The following LRRTM4 variants were observed in gnomAD, a reference collection of about 807,000 sequenced individuals.
LRRTM4 encodes leucine-rich repeat transmembrane neuronal protein 4.
Under a neutral mutation model 47.6 loss-of-function variants are expected in LRRTM4, and 25 were observed. The ratio of observed to expected loss-of-function variants is 0.53; its 90% CI spans 0.38 to 0.73. The LOEUF is 0.73. Ranked by LOEUF, LRRTM4 falls within the 30% of genes least tolerant of loss-of-function variation. The pLI, the probability that LRRTM4 is intolerant of heterozygous loss-of-function variation, is 0.00. For missense variants in LRRTM4, 638 were observed against 713.4 expected (o/e 0.89, Z 1.20); for synonymous variants, 311 against 269.5 (o/e 1.15, Z -1.51).
intron 3 of LRRTM4, among the ~76,000 whole-genome samples, chr2:76,762,235 A>C (rs766428195): frequency 1.3e-5 from 2 of 152,188 alleles, no homozygotes; most frequent in Non-Finnish European, 2.9e-5. Context: ...ATGAAGCTAA[A>C]TTGAATATCC....
intron 3 of LRRTM4, among the ~76,000 whole-genome samples, chr2:77,304,434 T>C (rs1464759757): frequency 6.6e-6 from 1 of 152,096 alleles, no homozygotes; most frequent in Non-Finnish European, 1.5e-5. Context: ...AGAAGAGGTA[T>C]TGGGTTTAGT....
chr2:77,427,171 G>T (rs1675156289), intron 3 of LRRTM4, among the ~76,000 whole-genome samples: 1 of 152,040 alleles, frequency 6.6e-6, no homozygotes, highest in African/African-American at 2.4e-5. Flanking sequence ...TGGAGATGAG[G>T]TTTCATCATG....
rs58615415 is a variant in LRRTM4 at position 76,913,543 on chromosome 2, A to ATTTTTTTTTTTTTTTTTTTTTTTTT, written c.1552-164628_1552-164627insAAAAAAAAAAAAAAAAAAAAAAAAA. On this transcript the variant is annotated intron_variant, in intron 3 of 3. Coordinates refer to ENST00000409884, the MANE Select transcript of LRRTM4 (RefSeq NM_001134745.3). Reference sequence around the variant, plus strand: ...CCAAATATTTAGAGATCCTATTTCAATTTTTTTTTTTTTTGAGACAGAGTC... The same window carrying ATTTTTTTTTTTTTTTTTTTTTTTTT: ...CCAAATATTTAGAGATCCTATTTCAATTTTTTTTTTTTTTTTTTTTTTTTTTTTTTTTTTTTTTTGAGACAGAGTC... Among the ~76,000 whole-genome samples the ATTTTTTTTTTTTTTTTTTTTTTTTT allele has an allele frequency of 4.1e-5, 5 of 121,486 alleles. 1 individual carries two copies. The highest frequency in any genetic ancestry group is 1.6e-4 in the African/African-American group (5 of 30,600). 79.7% of individuals were successfully genotyped at this position (121,486 alleles called of 152,430 possible).
chr2:77,328,431 T>G (rs551054868), intron 3 of LRRTM4, among the ~76,000 whole-genome samples: 12 of 152,308 alleles, frequency 7.9e-5, no homozygotes, highest in African/African-American at 2.6e-4. Context: ...AACTGTGTAG[T>G]TGAAAAGGGA....
rs188158364 is a variant in LRRTM4 at position 76,804,768 on chromosome 2, A to G, written c.1552-55852T>C. Reference sequence around the variant, plus strand: ...ATATATCATTGTTTTATAACAATATATATATCATGTTTTATATATATATCA... The same window carrying G: ...ATATATCATTGTTTTATAACAATATGTATATCATGTTTTATATATATATCA... On this transcript the variant is annotated intron_variant, in intron 3 of 3. Coordinates refer to ENST00000409884, the MANE Select transcript of LRRTM4 (RefSeq NM_001134745.3). Among the ~76,000 whole-genome samples, 13 of 149,506 alleles carry G rather than the reference A, an allele frequency of 8.7e-5. 1 individual carries two copies. In the Admixed American group the frequency reaches 8.7e-4, roughly 10 times the overall value.
intron 3 of LRRTM4, among the ~76,000 whole-genome samples, chr2:77,482,573 A>G (rs1677749159): frequency 6.6e-6 from 1 of 152,198 alleles, no homozygotes. Flanking sequence ...AAAGAAATTT[A>G]TTAAAAGTTT....
chr2:77,477,854 A>AG (rs1180399341), intron 3 of LRRTM4, among the ~76,000 whole-genome samples: 3 of 148,294 alleles, frequency 2.0e-5, no homozygotes, highest in Non-Finnish European at 4.5e-5. Flanking sequence ...AAAAAAAAAA[A>AG]AAGAAAGAGA....
At chr2:76,834,208 T>A (rs1173614378) in intron 3 of LRRTM4, among the ~76,000 whole-genome samples, 1 of 54,484 alleles carries the variant, frequency 1.8e-5, no homozygotes, top group African/African-American at 1.2e-4. Context: ...GCCAAGCTAA[T>A]TTTTTTTTTT....
intron 3 of LRRTM4, among the ~76,000 whole-genome samples, chr2:77,306,526 T>C (rs1677277685): frequency 6.6e-6 from 1 of 152,210 alleles, no homozygotes; most frequent in Admixed American, 6.5e-5. Flanking sequence ...CCTCTAGCAT[T>C]CAAATGATTA....
intron 3 of LRRTM4, among the ~76,000 whole-genome samples, chr2:77,385,981 TC>T (rs1278318352): frequency 6.6e-6 from 1 of 151,910 alleles, no homozygotes; most frequent in Non-Finnish European, 1.5e-5. Context: ...GATCTCGAAA[TC>T]CTGACCTCAG....
chr2:76,849,062 AC>A (rs1671917136), intron 3 of LRRTM4, among the ~76,000 whole-genome samples: 1 of 151,686 alleles, frequency 6.6e-6, no homozygotes, highest in South Asian at 2.1e-4. Flanking sequence ...TCCTTCAGGT[AC>A]TCTTCTTATA....
At chr2:77,499,727 G>A (rs1203656887) in intron 3 of LRRTM4, among the ~76,000 whole-genome samples, 2 of 151,800 alleles carry the variant, frequency 1.3e-5, no homozygotes. Context: ...TAGACATTAT[G>A]CAAGCTGTAA....
intron 3 of LRRTM4, among the ~76,000 whole-genome samples, chr2:76,971,334 G>C (rs1201855221): frequency 6.6e-6 from 1 of 152,066 alleles, no homozygotes; most frequent in African/African-American, 2.4e-5. Flanking sequence ...AGGCAATTCT[G>C]ATGTACACTG....
intron 3 of LRRTM4, among the ~76,000 whole-genome samples, chr2:77,389,303 T>C (rs1249591464): frequency 1.3e-5 from 2 of 152,054 alleles, no homozygotes; most frequent in Non-Finnish European, 2.9e-5. Flanking sequence ...AAAAAGAAAT[T>C]TGTAAAGTCT....
intron 3 of LRRTM4, among the ~76,000 whole-genome samples, chr2:77,079,976 A>G (rs980840797): frequency 6.6e-6 from 1 of 152,076 alleles, no homozygotes; most frequent in Admixed American, 6.6e-5. Flanking sequence ...TTCTTTTCCA[A>G]CAAAATTCTC....
At chr2:77,203,848 G>A (rs1029562405) in intron 3 of LRRTM4, among the ~76,000 whole-genome samples, 8 of 152,090 alleles carry the variant, frequency 5.3e-5, no homozygotes, top group East Asian at 1.9e-4. Flanking sequence ...ACTGTTCCAC[G>A]AGATATCTAT....
At chr2:76,827,101 T>C (rs750555827) in intron 3 of LRRTM4, among the ~76,000 whole-genome samples, 3 of 151,836 alleles carry the variant, frequency 2.0e-5, no homozygotes, top group Non-Finnish European at 2.9e-5. Context: ...TAAAGTGGTT[T>C]CTGATTTTGA....
At chr2:77,359,304 T>G (rs1376974675) in intron 3 of LRRTM4, among the ~76,000 whole-genome samples, 1 of 152,138 alleles carries the variant, frequency 6.6e-6, no homozygotes, top group Non-Finnish European at 1.5e-5. Context: ...CAACCCAAAC[T>G]AATTATTCAA....
In LRRTM4 at chr2:77,096,483, GAATA is replaced by G. The variant is rs562041513; in HGVS notation, c.1552-347571_1552-347568del. On this transcript the variant is annotated intron_variant, in intron 3 of 3. Coordinates refer to ENST00000409884, the MANE Select transcript of LRRTM4 (RefSeq NM_001134745.3). ...TGAGTAAATTAATAAATTAAAATAT[GAATA>G]AATATAAAATGTCAAAAGTACAAAA... 8.9e-4 allele frequency among the ~76,000 whole-genome samples: 134 copies of G among 151,328 alleles called. 2 individuals are homozygous for G. In the Middle Eastern group the frequency reaches 0.024, roughly 27 times the overall value.
Sources: gnomAD v4.1 joint callset for allele counts (sites outside exome capture counted in the v4.1 genomes callset) on GRCh38, gnomAD v4.1.1 for gene constraint, MANE v1.5 for transcripts, NCBI Gene and HGNC (gene_info 2026-07-23, HGNC 2026-07-21) for gene names.